DNAH11: variants seen among roughly 807,000 people sequenced by gnomAD.
DNAH11 encodes the protein axonemal beta dynein heavy chain 11.
Under a neutral mutation model 526.0 loss-of-function variants are expected in DNAH11, and 442 were observed. That is an observed-to-expected ratio of 0.84 (90% CI 0.78 to 0.91). The LOEUF (loss-of-function observed/expected upper bound fraction) is 0.91. Among genes scored for constraint, DNAH11 ranks in the 40% least tolerant of loss-of-function variants. DNAH11 has a pLI of 0.00. For missense variants in DNAH11, 6,989 were observed against 5,448.7 expected (o/e 1.28, Z -8.90); for synonymous variants, 2,461 against 1,935.9 (o/e 1.27, Z -7.12).
intron 20 of DNAH11, among the ~76,000 whole-genome samples, chr7:21,613,552 ATAG>A: frequency 6.6e-6 from 1 of 152,212 alleles, no homozygotes. Flanking sequence ...TCTTCTTTAC[ATAG>A]TAGGAAATGA....
Position 21,894,752 on chromosome 7 carries a change from A to C in DNAH11, c.12880A>C (p.Ile4294Leu). Reference sequence around the variant, plus strand: ...CTTCCAAGAATGTGAGAGGATGAATATTCTCATTCGGGAAATACGTATATC... The same window carrying C: ...CTTCCAAGAATGTGAGAGGATGAATCTTCTCATTCGGGAAATACGTATATC... ...VCFQECERMN[I>L]LIREIRISLE... The change falls in exon 78 of 82, where the codon ATT becomes CTT. Residue 4294 changes from isoleucine to leucine, a missense_variant. By Grantham distance (5) the Ile-to-Leu change is conservative. Transcript: ENST00000409508. 6.2e-7 allele frequency: 1 copy of C among 1,612,600 alleles called. No homozygotes were observed. The highest frequency in any genetic ancestry group is 8.5e-7 in the Non-Finnish European group (1 of 1,179,508).
intron 54 of DNAH11, among the ~76,000 whole-genome samples, chr7:21,764,231 C>A (rs999787643): frequency 2.0e-5 from 3 of 151,872 alleles, no homozygotes; most frequent in African/African-American, 7.3e-5. Context: ...ATTTATATAG[C>A]TTGAATTGTT....
chr7:21,811,067 G>A (rs1427943216), intron 63 of DNAH11, among the ~76,000 whole-genome samples: 1 of 152,072 alleles, frequency 6.6e-6, no homozygotes, highest in Non-Finnish European at 1.5e-5. Flanking sequence ...TTAAACATAC[G>A]GTATAAATAC....
intron 65 of DNAH11, among the ~76,000 whole-genome samples, chr7:21,828,310 G>A (rs547951458): frequency 1.3e-5 from 2 of 152,220 alleles, no homozygotes; most frequent in East Asian, 3.9e-4. Context: ...TCCTTTGCTG[G>A]TAAGAATAGA....
In DNAH11 at chr7:21,818,277, C is replaced by G. The variant is rs533054368; in HGVS notation, c.10629C>G (p.Leu3543=). 1 of 1,611,822 alleles carries G rather than the reference C, an allele frequency of 6.2e-7. No individual in the cohort carries two copies. ...GTGATGTCATCTTAATTGAAAATCT[C>G]GAGGAAACGATAGATCCAGTCCTGG... ...AFGDVILIEN[L]EETIDPVLDP... The change falls in exon 65 of 82, where the codon CTC becomes CTG. Residue 3543 remains leucine, a synonymous_variant. Coordinates refer to ENST00000409508, the MANE Select transcript of DNAH11 (RefSeq NM_001277115.2).
rs1290763065 is a variant in DNAH11 at position 21,558,905 on chromosome 7, A to G, written c.599A>G (p.Tyr200Cys). The G allele has an allele frequency of 1.4e-5, 23 of 1,603,592 alleles. No homozygotes were observed. Among genetic ancestry groups the G allele is most frequent in the Non-Finnish European group, 1.8e-5 (21 of 1,174,616 alleles). Residue 200 changes from tyrosine to cysteine, a missense_variant, in exon 3 of 82, where the codon TAT (tyrosine) becomes TGT (cysteine). Physicochemically the swap from Tyr to Cys is radical, Grantham distance 194. Transcript: ENST00000409508. ...ATAGAAGTCATGAAAAAGAAGATGT[A>G]TATTTTTAGGGGCAAAATGTCTAGA... is the stretch of plus-strand genomic sequence containing the variant. ...YHIEVMKKKM[Y>C]IFRGKMSRRT...
At chr7:21,813,918 G>A (rs902115235) in intron 63 of DNAH11, among the ~76,000 whole-genome samples, 1 of 152,082 alleles carries the variant, frequency 6.6e-6, no homozygotes, top group Non-Finnish European at 1.5e-5. Context: ...ATAAAAAGAA[G>A]GTATACTCTA....
At chr7:21,808,967 G>C (rs555531927) in intron 63 of DNAH11, among the ~76,000 whole-genome samples, 1 of 152,182 alleles carries the variant, frequency 6.6e-6, no homozygotes, top group South Asian at 2.1e-4. Context: ...ACTGTTTTCT[G>C]TGGTGACTGT....
chr7:21,774,433 C>A (rs1411867996), intron 56 of DNAH11, among the ~76,000 whole-genome samples: 2 of 152,060 alleles, frequency 1.3e-5, no homozygotes, highest in Non-Finnish European at 2.9e-5. Context: ...AGCTGTTCCT[C>A]CCTTAGTGAC....
intron 30 of DNAH11, among the ~76,000 whole-genome samples, chr7:21,664,071 C>T (rs1782334438): frequency 6.6e-6 from 1 of 151,316 alleles, no homozygotes; most frequent in Non-Finnish European, 1.5e-5. Flanking sequence ...CCTTTTTAAG[C>T]ACTTCAATTT....
intron 39 of DNAH11, among the ~76,000 whole-genome samples, chr7:21,706,481 T>G (rs1390800642): frequency 2.6e-5 from 4 of 152,200 alleles, no homozygotes; most frequent in African/African-American, 9.7e-5. Context: ...ATAGACATTT[T>G]TCTAGTGAAA....
At chr7:21,842,253 A>G (rs1424442004) in intron 65 of DNAH11, among the ~76,000 whole-genome samples, 2 of 152,160 alleles carry the variant, frequency 1.3e-5, no homozygotes, top group East Asian at 3.8e-4. Context: ...AAAAGCTAAT[A>G]TTTGTTGTTA....
In DNAH11 at chr7:21,704,459, T is replaced by A. The variant is rs1268731985; in HGVS notation, c.6299T>A (p.Phe2100Tyr). 2 of 1,613,694 alleles carry A rather than the reference T, an allele frequency of 1.2e-6. No individual in the cohort carries two copies. The highest frequency in any genetic ancestry group is 1.7e-6 in the Non-Finnish European group (2 of 1,179,764). The change falls in exon 38 of 82, where the codon TTC becomes TAC. Residue 2100 changes from phenylalanine (F) to tyrosine (Y), a missense_variant. Physicochemically the swap from Phe to Tyr is conservative, Grantham distance 22 (BLOSUM62 3). Transcript: ENST00000409508. ...GTACTCATGAGAGCATTAAGGGATT[T>A]CAATATGCCCAAAATAGTGACTGAC... ...DQVLMRALRD[F>Y]NMPKIVTDDI... is the part of the protein sequence containing the mutation.
chr7:21,879,965 A>G (rs933626245), intron 74 of DNAH11, among the ~76,000 whole-genome samples: 3 of 151,816 alleles, frequency 2.0e-5, no homozygotes, highest in Non-Finnish European at 2.9e-5. Context: ...TGCACCTGTA[A>G]TCGCAGCTAC....
At position 21,620,801 on chromosome 7, in the gene DNAH11, G is replaced by C. The variant is rs546526417; in HGVS notation, c.4500+723G>C. On this transcript the variant is annotated intron_variant, in intron 25 of 81. Transcript: ENST00000409508. ...CATTGTTCAATTCCCACCTATGAGT[G>C]AGAATATGCGGTGTTTGGTTTTTTG... Among the ~76,000 whole-genome samples the C allele has an allele frequency of 6.1e-4, 87 of 143,620 alleles. 1 individual carries two copies. Among genetic ancestry groups the C allele is most frequent in the African/African-American group, 2.1e-3 (80 of 38,354 alleles). The allele number at this position is 143,620 out of a possible 152,430, so 94.2% of individuals were successfully genotyped here.
At position 21,884,306 on chromosome 7, in the gene DNAH11, C is replaced by G. The variant is rs968812504; in HGVS notation, c.12403C>G (p.Leu4135Val). ...TTCTCCACAGGTCCCATGGGAAGAT[C>G]TCCGTTATCTCTTTGGTGAGATCAT... The part of the protein sequence containing the change: ...EANSKVPWED[L>V]RYLFGEIMYG... Residue 4135 changes from leucine to valine, a missense_variant, in exon 76 of 82, where the codon CTC (leucine) becomes GTC (valine). Leu to Val is a conservative substitution (Grantham distance 32). Transcript: ENST00000409508. 3 of 1,607,854 alleles carry G rather than the reference C, an allele frequency of 1.9e-6. No individual in the cohort carries two copies. Among genetic ancestry groups the G allele is most frequent in the South Asian group, 1.1e-5 (1 of 89,394 alleles).
At chr7:21,851,624 G>A (rs557515376) in intron 66 of DNAH11, 15 of 471,034 alleles carry the variant, frequency 3.2e-5, no homozygotes, top group Middle Eastern at 3.2e-4. Context: ...TGTAAGAACC[G>A]GATGGCATTT....
intron 65 of DNAH11, among the ~76,000 whole-genome samples, chr7:21,823,869 A>G (rs1371622081): frequency 1.3e-5 from 2 of 152,212 alleles, no homozygotes; most frequent in African/African-American, 2.4e-5. Context: ...TCCGAGAGAC[A>G]AGGAACACCA....
In DNAH11 at chr7:21,662,069, C is replaced by T. The variant is rs147984859; in HGVS notation, c.5328+3038C>T. ...CCTGACCTCAAGATGATCCACCTGCCTCGACCTCCCAAAGTGCTGGGATTA... is the reference window on the plus strand; with the variant it reads ...CCTGACCTCAAGATGATCCACCTGCTTCGACCTCCCAAAGTGCTGGGATTA... On this transcript the variant is annotated intron_variant, in intron 30 of 81. Transcript: ENST00000409508. 5.3e-5 allele frequency among the ~76,000 whole-genome samples: 8 copies of T among 152,238 alleles called. No individual in the cohort carries two copies. In the East Asian group the frequency reaches 1.5e-3, roughly 29 times the overall value.
Sources: gnomAD v4.1 joint callset for allele counts (sites outside exome capture counted in the v4.1 genomes callset) on GRCh38, gnomAD v4.1.1 for gene constraint, MANE v1.5 for transcripts, NCBI Gene and HGNC (gene_info 2026-07-23, HGNC 2026-07-21) for gene names.